Variants in TCF12 observed in about 807,000 individuals in gnomAD.
The protein encoded by TCF12 is transcription factor 12, also known as DNA-binding protein HTF4.
In TCF12, 45 loss-of-function variants were observed where a neutral mutation model predicts 86.0. The ratio of observed to expected loss-of-function variants is 0.52; its 90% CI spans 0.41 to 0.67. The LOEUF (loss-of-function observed/expected upper bound fraction) is 0.67. Among genes scored for constraint, TCF12 ranks in the 30% least tolerant of loss-of-function variants. The pLI, the probability that TCF12 is intolerant of heterozygous loss-of-function variation, is 0.00. For missense variants in TCF12, 881 were observed against 859.9 expected (o/e 1.02, Z -0.31); for synonymous variants, 330 against 299.6 (o/e 1.10, Z -1.05).
chr15:56,930,419 G>A (rs1433241922), intron 3 of TCF12, among the ~76,000 whole-genome samples: 1 of 152,184 alleles, frequency 6.6e-6, no homozygotes, highest in African/African-American at 2.4e-5. Context: ...ATCCTTTTAG[G>A]TTTTTCCTAT....
chr15:56,977,543 TTC>T (rs1386445170), intron 3 of TCF12, among the ~76,000 whole-genome samples: 2 of 149,076 alleles, frequency 1.3e-5, no homozygotes, highest in East Asian at 1.9e-4. Context: ...AAATTCGATA[TTC>T]TGTGTGTGTG....
chr15:57,135,758 A>G (rs1164785932), intron 5 of TCF12, among the ~76,000 whole-genome samples: 5 of 152,174 alleles, frequency 3.3e-5, no homozygotes, highest in African/African-American at 9.7e-5. Context: ...TTGGTTTTAT[A>G]TGTATCCCTG....
intron 8 of TCF12, among the ~76,000 whole-genome samples, chr15:57,223,654 T>TGTTTTTTTTTTG (rs1566940760): frequency 0.011 from 1,463 of 130,010 alleles, 40 homozygotes; most frequent in African/African-American, 0.037. Context: ...TTTTTTTTTT[T>TGTTTTTTTTTTG]TTTTTTTTTT....
At chr15:57,057,185 T>C (rs2068095827) in intron 3 of TCF12, among the ~76,000 whole-genome samples, 1 of 152,216 alleles carries the variant, frequency 6.6e-6, no homozygotes, top group South Asian at 2.1e-4. Flanking sequence ...GTGAATGGTG[T>C]TCCAGGACTC....
intron 3 of TCF12, among the ~76,000 whole-genome samples, chr15:56,964,215 T>G (rs2061899432): frequency 1.3e-5 from 2 of 152,236 alleles, no homozygotes; most frequent in African/African-American, 4.8e-5. Context: ...CCTAAAATTG[T>G]CTAAAGTTTT....
chr15:56,994,357 A>T (rs1340495166), intron 3 of TCF12, among the ~76,000 whole-genome samples: 1 of 152,160 alleles, frequency 6.6e-6, no homozygotes, highest in African/African-American at 2.4e-5. Flanking sequence ...GAAGATTTCA[A>T]CTCACAATGG....
At chr15:57,124,430 G>C (rs1029822511) in intron 5 of TCF12, among the ~76,000 whole-genome samples, 1 of 152,092 alleles carries the variant, frequency 6.6e-6, no homozygotes, top group Non-Finnish European at 1.5e-5. Flanking sequence ...GTAGAATTCT[G>C]GGCACTCTGG....
intron 3 of TCF12, among the ~76,000 whole-genome samples, chr15:56,936,112 A>G (rs1223442934): frequency 2.0e-5 from 3 of 152,124 alleles, no homozygotes; most frequent in Non-Finnish European, 2.9e-5. Flanking sequence ...CCCACAAGCA[A>G]TGTAGAAGTG....
At chr15:57,237,525 G>C (rs1348747666) in intron 12 of TCF12, among the ~76,000 whole-genome samples, 1 of 152,120 alleles carries the variant, frequency 6.6e-6, no homozygotes, top group African/African-American at 2.4e-5. Context: ...GTTTAAGCCT[G>C]GCAGAAGGCA....
intron 3 of TCF12, among the ~76,000 whole-genome samples, chr15:57,029,924 A>G (rs2066048717): frequency 6.6e-6 from 1 of 152,072 alleles, no homozygotes; most frequent in Admixed American, 6.5e-5. Context: ...CTTTTCTTTT[A>G]TTGCTGAGTG....
intron 6 of TCF12, among the ~76,000 whole-genome samples, chr15:57,167,881 T>C (rs772516030): frequency 1.3e-5 from 2 of 152,210 alleles, no homozygotes; most frequent in Non-Finnish European, 2.9e-5. Flanking sequence ...ATTCTAGTCA[T>C]TTAAAATATA....
chr15:56,950,164 A>G lies in TCF12; in HGVS notation c.148+29066A>G, dbSNP rs530300889. Among the ~76,000 whole-genome samples the G allele has an allele frequency of 8.2e-4, 125 of 152,176 alleles. 3 individuals are homozygous for G. Among genetic ancestry groups the G allele is most frequent in the Admixed American group, 4.5e-3 (69 of 15,278 alleles). ...TTCACACTCCCATCCCTACTCCCAC[A>G]TAACTACTGATCTGGTTTTTGTCGT... On this transcript the variant is annotated intron_variant, in intron 3 of 20. Coordinates refer to ENST00000333725, the MANE Select transcript of TCF12 (RefSeq NM_207037.2).
At chr15:57,011,359 T>G (rs1022554303) in intron 3 of TCF12, among the ~76,000 whole-genome samples, 8 of 151,986 alleles carry the variant, frequency 5.3e-5, no homozygotes, top group Non-Finnish European at 1.2e-4. Flanking sequence ...TTGTTCCTGC[T>G]CTCCCCATGT....
At chr15:57,285,117 G>A (rs2056545467) in intron 20 of TCF12, among the ~76,000 whole-genome samples, 1 of 152,192 alleles carries the variant, frequency 6.6e-6, no homozygotes, top group African/African-American at 2.4e-5. Context: ...CAGATTAAAA[G>A]TAGCAAGAGA....
At chr15:57,069,952 A>C (rs1434983032) in intron 4 of TCF12, among the ~76,000 whole-genome samples, 1 of 152,182 alleles carries the variant, frequency 6.6e-6, no homozygotes, top group Non-Finnish European at 1.5e-5. Flanking sequence ...CTTGGGTTCT[A>C]TTTCTGGCAC....
intron 4 of TCF12, among the ~76,000 whole-genome samples, chr15:57,090,146 AG>A (rs1437556183): frequency 6.6e-6 from 1 of 152,060 alleles, no homozygotes; most frequent in African/African-American, 2.4e-5. Flanking sequence ...TGAGCCTGGG[AG>A]GTTGAGGCTA....
intron 5 of TCF12, among the ~76,000 whole-genome samples, chr15:57,158,110 G>A (rs1366616979): frequency 2.0e-5 from 3 of 151,814 alleles, no homozygotes; most frequent in Admixed American, 6.6e-5. Flanking sequence ...GAGAGCATGA[G>A]GAAGGGTAGT....
intron 8 of TCF12, among the ~76,000 whole-genome samples, chr15:57,199,830 C>T (rs12438428): frequency 0.04 from 6,154 of 152,122 alleles, 376 homozygotes; most frequent in Admixed American, 0.17. Flanking sequence ...TTTTAATTAA[C>T]TGAAAGTATG....
At chr15:56,931,094 T>G (rs1229775189) in intron 3 of TCF12, among the ~76,000 whole-genome samples, 1 of 152,076 alleles carries the variant, frequency 6.6e-6, no homozygotes, top group Non-Finnish European at 1.5e-5. Context: ...ACCCCAGGGA[T>G]TGTTTTCAAC....
Sources: allele counts gnomAD v4.1 joint callset (sites outside exome capture counted in the v4.1 genomes callset), GRCh38; gene constraint gnomAD v4.1.1; transcripts MANE v1.5; gene names NCBI Gene and HGNC (gene_info 2026-07-23, HGNC 2026-07-21).